The following DTX2 variants were observed in gnomAD, a reference collection of about 807,000 sequenced individuals.
The protein encoded by DTX2 is deltex E3 ubiquitin ligase 2.
Under a neutral mutation model 55.3 loss-of-function variants are expected in DTX2, and 29 were observed. The ratio of observed to expected loss-of-function variants is 0.52; its 90% CI spans 0.39 to 0.71. The LOEUF is 0.71. Among genes scored for constraint, DTX2 ranks in the 30% least tolerant of loss-of-function variants. The pLI, the probability that DTX2 is intolerant of heterozygous loss-of-function variation, is 0.00. For synonymous variants in DTX2, 276 were observed against 340.4 expected (o/e 0.81, Z 2.08); for missense variants, 537 against 822.5 (o/e 0.65, Z 4.25).
At position 76,505,621 on chromosome 7, in the gene DTX2, C is replaced by T. The variant is rs1042977287; in HGVS notation, c.*20C>T. ...CAGTGACCTCGCACCCCAGCACGCC[C>T]GCCTCTGGTGGCCACCCCGCTGCCC... On this transcript the variant is annotated 3_prime_UTR_variant, in exon 11 of 11. Coordinates refer to ENST00000430490, the MANE Select transcript of DTX2 (RefSeq NM_001102594.3). This position sits in a 1 kb window ranked among gnomAD's most constrained non-coding sequence, Gnocchi z 4.4. The T allele has an allele frequency of 7.8e-6, 12 of 1,534,578 alleles. No homozygotes were observed. The highest frequency in any genetic ancestry group is 2.7e-5 in the African/African-American group (2 of 73,022).
intron 5 of DTX2, among the ~76,000 whole-genome samples, chr7:76,494,877 G>A (rs1159693929): frequency 8.7e-6 from 1 of 115,562 alleles, no homozygotes; most frequent in African/African-American, 3.3e-5. Flanking sequence ...GAGCTGGAGA[G>A]CAGTGTCCTG....
chr7:76,480,467 G>C lies in DTX2; in HGVS notation c.-43G>C. ...ATGACCCCGGGACTCCAGGCCAGAGGGGTCTGAAGCTGTTTGGGAAAGCAG... is the reference window on the plus strand; with the variant it reads ...ATGACCCCGGGACTCCAGGCCAGAGCGGTCTGAAGCTGTTTGGGAAAGCAG... On this transcript the variant is annotated 5_prime_UTR_variant, in exon 3 of 11. Coordinates refer to ENST00000430490, the MANE Select transcript of DTX2 (RefSeq NM_001102594.3). The C allele has an allele frequency of 6.6e-7, 1 of 1,523,694 alleles. No individual in the cohort carries two copies. Among genetic ancestry groups the C allele is most frequent in the Non-Finnish European group, 8.8e-7 (1 of 1,137,532 alleles). 94.4% of individuals were successfully genotyped at this position (1,523,694 alleles called of 1,614,324 possible).
At chr7:76,498,830 A>G (rs1584236857) in intron 6 of DTX2, among the ~76,000 whole-genome samples, 6 of 112,058 alleles carry the variant, frequency 5.4e-5, no homozygotes, top group East Asian at 3.1e-4. Context: ...GGGTGTGTAG[A>G]GGTGAGGGTG....
rs749746176 is a variant in DTX2, at chr7:76,480,550, C to A, written c.41C>A (p.Thr14Asn). 3.1e-6 allele frequency: 5 copies of A among 1,611,930 alleles called. No individual in the cohort carries two copies. Among genetic ancestry groups the A allele is most frequent in the Non-Finnish European group, 4.2e-6 (5 of 1,179,836 alleles). Residue 14 changes from threonine to asparagine, a missense_variant, in exon 3 of 11, where the codon ACC becomes AAC. Physicochemically the swap from Thr to Asn is moderately conservative, Grantham distance 65 (BLOSUM62 0). Around this residue, in one of 7 missense-constraint regions of DTX2, gnomAD observed 301 missense variants for 396.6 expected, o/e 0.76. Transcript: ENST00000430490. Reference protein sequence around the residue: ...APSPSLVQVYTSPAAVAVWEW... With the variant: ...APSPSLVQVYNSPAAVAVWEW... ...AGCCCTTCCCTGGTGCAGGTGTACA[C>A]CAGCCCCGCGGCTGTGGCCGTGTGG... is the stretch of plus-strand genomic sequence containing the variant.
intron 2 of DTX2, among the ~76,000 whole-genome samples, chr7:76,475,432 A>G (rs1775292818): frequency 6.6e-6 from 1 of 150,772 alleles, no homozygotes; most frequent in African/African-American, 2.4e-5. Flanking sequence ...CACACCTGTA[A>G]TCCCAGCACT....
intron 2 of DTX2, among the ~76,000 whole-genome samples, chr7:76,476,620 G>T (rs920770560): frequency 6.7e-6 from 1 of 149,578 alleles, no homozygotes; most frequent in African/African-American, 2.5e-5. Context: ...GGGTCAGGGG[G>T]CCCAGGAGAA....
rs1809332466 is a variant in DTX2, at chr7:76,482,403, A to G, written c.269-105A>G. The G allele has an allele frequency of 8.5e-6, 10 of 1,175,584 alleles. No individual in the cohort carries two copies. In the South Asian group the frequency reaches 1.3e-4, roughly 16 times the overall value. The allele number at this position is 1,175,584 out of a possible 1,614,324, so 72.8% of individuals were successfully genotyped here. Reference sequence around the variant, plus strand: ...CAAATAGCAGCATGACTGTGTACCTACTGTGTTCCTATTTGTTTATTTTGG... The same window carrying G: ...CAAATAGCAGCATGACTGTGTACCTGCTGTGTTCCTATTTGTTTATTTTGG... On this transcript the variant is annotated intron_variant, in intron 3 of 10. Coordinates refer to ENST00000430490, the MANE Select transcript of DTX2 (RefSeq NM_001102594.3).
intron 2 of DTX2, among the ~76,000 whole-genome samples, chr7:76,464,193 A>G (rs1465747055): frequency 2.6e-5 from 4 of 151,788 alleles, no homozygotes; most frequent in Non-Finnish European, 4.4e-5. Context: ...GGAAGGTGGT[A>G]GTTGAGGGGG....
At chr7:76,464,781 A>G (rs1806985998) in intron 2 of DTX2, among the ~76,000 whole-genome samples, 1 of 143,786 alleles carries the variant, frequency 7.0e-6, no homozygotes, top group South Asian at 2.1e-4. Flanking sequence ...GTCTTCTTAC[A>G]TACATCATGC....
intron 4 of DTX2, among the ~76,000 whole-genome samples, chr7:76,491,187 A>G (rs6465152): frequency 0.64 from 96,451 of 150,116 alleles, 31,450 homozygotes; most frequent in African/African-American, 0.76. Flanking sequence ...TAGTAGAGAC[A>G]GGATTTTGCC....
chr7:76,479,362 C>T lies in DTX2; in HGVS notation c.-89-1059C>T, dbSNP rs1468162151. ...TTGGAGAGGCCAGAGAGGGGTGATT[C>T]GGTGCCCATCTAGGGCTTCCTTTTT... On this transcript the variant is annotated intron_variant, in intron 2 of 10. Transcript: ENST00000430490. Among the ~76,000 whole-genome samples, 3 of 100,872 alleles carry T rather than the reference C, an allele frequency of 3.0e-5. 1 individual carries two copies. Among genetic ancestry groups the T allele is most frequent in the Non-Finnish European group, 4.2e-5 (2 of 47,334 alleles). The allele number at this position is 100,872 out of a possible 152,430, so 66.2% of individuals were successfully genotyped here. A position where few individuals can be genotyped will look rare whatever the true frequency, so the allele number is the denominator to read the frequency against.
intron 2 of DTX2, among the ~76,000 whole-genome samples, chr7:76,467,760 G>A (rs1413545194): frequency 2.0e-5 from 3 of 148,908 alleles, no homozygotes; most frequent in African/African-American, 7.4e-5. Context: ...CGTCATGTGG[G>A]CATTGATTGT....
rs1170051957 is a variant in DTX2 at position 76,489,009 on chromosome 7, A to C, written c.909-3144A>C. 1.6e-4 allele frequency among the ~76,000 whole-genome samples: 15 copies of C among 94,106 alleles called. 1 individual carries two copies. In the East Asian group the frequency reaches 3.6e-3, roughly 23 times the overall value. The allele number at this position is 94,106 out of a possible 152,430, so 61.7% of individuals were successfully genotyped here. On this transcript the variant is annotated intron_variant, in intron 4 of 10. Coordinates refer to ENST00000430490, the MANE Select transcript of DTX2 (RefSeq NM_001102594.3). ...AGTCAGGACCTTGACCCAGGTGTCC[A>C]GACTCCCTGCCCTTCTTAGCATTAT...
chr7:76,474,223 CT>C (rs11308718), intron 2 of DTX2, among the ~76,000 whole-genome samples: 47,209 of 133,854 alleles, frequency 0.35, 8,548 homozygotes, highest in African/African-American at 0.52. Context: ...TCTTTCTTTT[CT>C]TTTTTTTTTT....
rs1393495660 is a variant in DTX2, at chr7:76,466,798, A to G, written c.-90+3089A>G. Among the ~76,000 whole-genome samples the G allele has an allele frequency of 3.3e-5, 5 of 152,214 alleles. No homozygotes were observed. The East Asian group carries it at 5.8e-4, about 18-fold the overall frequency. ...TTTTTAGTAGAGACGGAGTTTCTCC[A>G]TGTTAGTCAGACTGGTCTCAAACTC... is the stretch of plus-strand genomic sequence containing the variant. On this transcript the variant is annotated intron_variant, in intron 2 of 10. Transcript: ENST00000430490.
chr7:76,477,559 G>A (rs948368899), intron 2 of DTX2, among the ~76,000 whole-genome samples: 6 of 151,426 alleles, frequency 4.0e-5, no homozygotes, highest in African/African-American at 1.5e-4. Flanking sequence ...CTTCCATCAA[G>A]ATGATACAAT....
chr7:76,480,743 C>T lies in DTX2; in HGVS notation c.234C>T (p.Asp78=). Residue 78 remains aspartate, a synonymous_variant, in exon 3 of 11, where the codon GAC becomes GAT. Transcript: ENST00000430490. ...ADPSLAPYII[D]LPSWTQFRQD... is the part of the protein sequence containing the mutation. ...CCTCGCTGGCCCCTTACATTATTGA[C>T]CTCCCCAGCTGGACCCAGTTCCGCC... 1 of 1,611,966 alleles carries T rather than the reference C, an allele frequency of 6.2e-7. No individual in the cohort carries two copies. Among genetic ancestry groups the T allele is most frequent in the Non-Finnish European group, 8.5e-7 (1 of 1,178,806 alleles).
intron 9 of DTX2, 121 bp downstream of exon 9, chr7:76,503,708 G>C: frequency 9.5e-7 from 1 of 1,053,400 alleles, no homozygotes; most frequent in Non-Finnish European, 1.4e-6. Flanking sequence ...CAGGCCCCCA[G>C]GTCCCCTAAG....
At chr7:76,502,535 T>A (rs1811853959) in intron 8 of DTX2, 79 bp downstream of exon 8, 15 of 1,489,634 alleles carry the variant, frequency 1.0e-5, no homozygotes, top group Non-Finnish European at 1.4e-5. Flanking sequence ...GCGGGAGGGT[T>A]CCGGGGGTGG....
Sources: allele counts gnomAD v4.1 joint callset (sites outside exome capture counted in the v4.1 genomes callset), GRCh38; gene constraint gnomAD v4.1.1; regional missense constraint gnomAD v4.1.1; non-coding constraint Gnocchi (gnomAD v3.1); transcripts MANE v1.5; gene names NCBI Gene and HGNC (gene_info 2026-07-23, HGNC 2026-07-21).